Variants in SLC22A25 observed in about 807,000 individuals in gnomAD.
SLC22A25 encodes the protein solute carrier family 22 member 25.
In SLC22A25, 44 loss-of-function variants were observed where a neutral mutation model predicts 45.9. The observed-to-expected ratio is 0.96, with a 90% CI of 0.75 to 1.23. The LOEUF (loss-of-function observed/expected upper bound fraction) is 1.23. Among genes scored for constraint, SLC22A25 ranks in the 50% most tolerant of loss-of-function variants. SLC22A25 has a pLI of 0.00. For missense variants in SLC22A25, 800 were observed against 666.4 expected (o/e 1.20, Z -2.21); for synonymous variants, 283 against 238.6 (o/e 1.19, Z -1.72).
chr11:63,239,891 A>G (rs1250308369), intron 1 of SLC22A25, among the ~76,000 whole-genome samples: 1 of 152,180 alleles, frequency 6.6e-6, no homozygotes, highest in African/African-American at 2.4e-5. Flanking sequence ...TGAGTAAGGG[A>G]TAGGTACTTA....
intron 3 of SLC22A25, among the ~76,000 whole-genome samples, 96 bp downstream of exon 3, chr11:63,237,785 T>C (rs892638519): frequency 6.6e-6 from 1 of 152,216 alleles, no homozygotes; most frequent in African/African-American, 2.4e-5. Context: ...TTTGTGTTTC[T>C]AGATCCCTGA....
At chr11:63,227,415 C>T (rs1024735508) in intron 5 of SLC22A25, among the ~76,000 whole-genome samples, 1 of 152,116 alleles carries the variant, frequency 6.6e-6, no homozygotes, top group Non-Finnish European at 1.5e-5. Context: ...TCCCTTCTGG[C>T]CCAGGGTGTG....
chr11:63,215,953 C>CT (rs1213206673), intron 7 of SLC22A25, among the ~76,000 whole-genome samples: 7 of 152,128 alleles, frequency 4.6e-5, no homozygotes, highest in African/African-American at 1.7e-4. Context: ...TACTCTCATT[C>CT]TTTTTTATGG....
intron 7 of SLC22A25, among the ~76,000 whole-genome samples, chr11:63,192,758 A>G (rs2134757733): frequency 6.6e-6 from 1 of 152,374 alleles, no homozygotes; most frequent in African/African-American, 2.4e-5. Context: ...ACATAATGGC[A>G]AAGGGTTCAA....
At chr11:63,214,747 C>T (rs550937719) in intron 7 of SLC22A25, among the ~76,000 whole-genome samples, 9 of 152,002 alleles carry the variant, frequency 5.9e-5, no homozygotes, top group South Asian at 4.2e-4. Context: ...CCCCACCCCA[C>T]GAAATGTTTA....
chr11:63,176,908 T>C (rs1013198529), intron 9 of SLC22A25, among the ~76,000 whole-genome samples: 1 of 151,976 alleles, frequency 6.6e-6, no homozygotes, highest in Non-Finnish European at 1.5e-5. Context: ...ACATGAAGGG[T>C]TCCCTTTAAC....
rs144277936 is a variant in SLC22A25 at position 63,217,069 on chromosome 11, A to C, written c.830+245T>G. Among the ~76,000 whole-genome samples, 835 of 152,308 alleles carry C rather than the reference A, an allele frequency of 5.5e-3. 8 individuals are homozygous for C. The highest frequency in any genetic ancestry group is 0.019 in the African/African-American group (788 of 41,556). The stretch of plus-strand genomic sequence containing the variant: ...AGTGAATAATTTTGAGTTTTATTGC[A>C]TCCCTTGCAATATTTGGATATTTTT... On this transcript the variant is annotated intron_variant, in intron 7 of 11. Coordinates refer to ENST00000306494, the MANE Select transcript of SLC22A25 (RefSeq NM_199352.6).
chr11:63,219,738 C>T (rs1257361270), intron 5 of SLC22A25, among the ~76,000 whole-genome samples: 2 of 152,146 alleles, frequency 1.3e-5, no homozygotes, highest in Admixed American at 6.5e-5. Flanking sequence ...TGGTTCTCCA[C>T]TGTCATCTCC....
intron 7 of SLC22A25, among the ~76,000 whole-genome samples, chr11:63,200,725 T>C (rs754539096): frequency 2.6e-5 from 4 of 152,280 alleles, no homozygotes; most frequent in Admixed American, 2.0e-4. Context: ...ACTATCCCTG[T>C]TCATAGATGA....
intron 7 of SLC22A25, among the ~76,000 whole-genome samples, chr11:63,195,862 T>C (rs970206627): frequency 2.6e-5 from 4 of 151,898 alleles, no homozygotes; most frequent in Non-Finnish European, 5.9e-5. Context: ...CTAGCAGGAC[T>C]AATAAAGAAG....
intron 3 of SLC22A25, among the ~76,000 whole-genome samples, chr11:63,235,280 C>T (rs1255412022): frequency 1.3e-5 from 2 of 152,196 alleles, no homozygotes; most frequent in African/African-American, 4.8e-5. Flanking sequence ...TTCAGGTACA[C>T]CAGTTAGACG....
chr11:63,209,126 G>T (rs181530646), intron 7 of SLC22A25, among the ~76,000 whole-genome samples: 1 of 152,164 alleles, frequency 6.6e-6, no homozygotes, highest in East Asian at 1.9e-4. Flanking sequence ...TTAATTGGCC[G>T]TGTGTTTAAG....
At chr11:63,237,168 C>G (rs949823350) in intron 3 of SLC22A25, among the ~76,000 whole-genome samples, 16 of 151,984 alleles carry the variant, frequency 1.1e-4, no homozygotes, top group African/African-American at 3.6e-4. Context: ...AACATGGGAA[C>G]AATAGACACT....
chr11:63,236,671 C>A (rs1019657744), intron 3 of SLC22A25, among the ~76,000 whole-genome samples: 1 of 152,156 alleles, frequency 6.6e-6, no homozygotes, highest in African/African-American at 2.4e-5. Flanking sequence ...GTCCCGCACC[C>A]ACTGTCTGGC....
chr11:63,180,596 G>T, intron 9 of SLC22A25, 64 bp downstream of exon 9: 1 of 1,146,298 alleles, frequency 8.7e-7, no homozygotes, highest in Non-Finnish European at 1.2e-6. Flanking sequence ...TGTATCATTT[G>T]AAATAAGAAA....
Position 63,164,084 on chromosome 11 carries a change from A to T in SLC22A25, c.1395-11T>A. 1 of 1,561,256 alleles carries T rather than the reference A, an allele frequency of 6.4e-7. No individual in the cohort carries two copies. Among genetic ancestry groups the T allele is most frequent in the Non-Finnish European group, 8.6e-7 (1 of 1,156,876 alleles). ...CCAGTAGCTCTTCCCCTTGGAGTAA[A>T]AACAGCAACAGAGGAAAAGTTGTTA... On this transcript the variant is annotated splice_polypyrimidine_tract_variant and intron_variant, in intron 11 of 11. Coordinates refer to ENST00000306494, the MANE Select transcript of SLC22A25 (RefSeq NM_199352.6).
chr11:63,220,352 G>A (rs895668183), intron 5 of SLC22A25, among the ~76,000 whole-genome samples: 9 of 152,182 alleles, frequency 5.9e-5, no homozygotes, highest in Non-Finnish European at 1.2e-4. Context: ...ACCCCTTGCT[G>A]AGGCTGAATT....
intron 11 of SLC22A25, 129 bp downstream of exon 11, chr11:63,164,397 T>C (rs1380391570): frequency 1.2e-6 from 1 of 853,626 alleles, no homozygotes; most frequent in Non-Finnish European, 1.8e-6. Flanking sequence ...CTGTAATTTG[T>C]TGTTTTTATG....
At chr11:63,210,617 G>A (rs1311622997) in intron 7 of SLC22A25, among the ~76,000 whole-genome samples, 1 of 152,146 alleles carries the variant, frequency 6.6e-6, no homozygotes. Flanking sequence ...AGAATTTTGA[G>A]GACTGAGACA....
Sources: allele counts gnomAD v4.1 joint callset (sites outside exome capture counted in the v4.1 genomes callset), GRCh38; gene constraint gnomAD v4.1.1; transcripts MANE v1.5; gene names NCBI Gene and HGNC (gene_info 2026-07-23, HGNC 2026-07-21).